The following VWA5B1 variants were observed in gnomAD, a reference collection of about 807,000 sequenced individuals.
VWA5B1 encodes the protein von Willebrand factor A domain-containing protein 5B1.
In VWA5B1, 115 loss-of-function variants were observed where a neutral mutation model predicts 118.2. That is an observed-to-expected ratio of 0.97 (90% CI 0.84 to 1.14). The LOEUF is 1.14. Ranked by LOEUF, VWA5B1 falls within the 50% of genes most tolerant of loss-of-function variation. The pLI is 0.00. For synonymous variants in VWA5B1, 682 were observed against 658.4 expected, an observed-to-expected ratio of 1.04 and a Z score of -0.55; for missense variants, 1,596 against 1,603.8, an observed-to-expected ratio of 1.00 and a Z score of 0.08.
intron 1 of VWA5B1, among the ~76,000 whole-genome samples, chr1:20,299,465 G>A (rs1012752542): frequency 6.6e-6 from 1 of 152,176 alleles, no homozygotes; most frequent in Non-Finnish European, 1.5e-5. Flanking sequence ...GTGCAGTAGT[G>A]CGATCTTAGC....
In VWA5B1 at chr1:20,336,443, C is replaced by A; in HGVS notation, c.1899C>A (p.Ala633=). Residue 633 remains alanine, a synonymous_variant, in exon 13 of 22, where the codon GCC becomes GCA. Coordinates refer to ENST00000289815, the MANE Select transcript of VWA5B1 (RefSeq NM_001039500.3). ...NSGAPFILGQ[A]KNARLASGDS... is the part of the protein sequence containing the mutation. ...GGGCACCCTTCATCCTAGGGCAGGC[C>A]AAAAATGCCCGGCTAGCCAGCGGAG... The A allele has an allele frequency of 6.7e-7, 1 of 1,490,224 alleles. No individual in the cohort carries two copies. The highest frequency in any genetic ancestry group is 1.4e-5 in the South Asian group (1 of 71,820). 92.3% of individuals were successfully genotyped at this position (1,490,224 alleles called of 1,614,324 possible).
intron 15 of VWA5B1, 65 bp from the exon 16 acceptor site, chr1:20,343,014 T>A: frequency 1.4e-6 from 2 of 1,457,096 alleles, no homozygotes; most frequent in Non-Finnish European, 1.8e-6. Context: ...AGGAATGATG[T>A]CCCCTGGGAG....
At chr1:20,316,009 C>T (rs4655193) in intron 4 of VWA5B1, among the ~76,000 whole-genome samples, 8,011 of 152,022 alleles carry the variant, frequency 0.053, 306 homozygotes, top group Admixed American at 0.087. Context: ...TCCTAATACG[C>T]TTATTCCTGC....
At chr1:20,329,082 T>C (rs1457588405) in intron 9 of VWA5B1, among the ~76,000 whole-genome samples, 1 of 152,184 alleles carries the variant, frequency 6.6e-6, no homozygotes, top group Non-Finnish European at 1.5e-5. Flanking sequence ...CACAGATAGA[T>C]TGGGACTTAT....
At chr1:20,329,262 C>CT (rs139538562) in intron 9 of VWA5B1, among the ~76,000 whole-genome samples, 3,569 of 99,598 alleles carry the variant, frequency 0.036, 161 homozygotes, top group African/African-American at 0.12. Context: ...GCCATTACTG[C>CT]TTTTTTTTTT....
chr1:20,343,349 G>T lies in VWA5B1; in HGVS notation c.2582G>T (p.Arg861Leu). ...FHHLAARAII[R>L]DFEQLAEREG... is the part of the protein sequence containing the mutation. ...CACCTGGCGGCCCGCGCCATCATCC[G>T]CGACTTCGAGCAGCTGGCGGAGCGC... Residue 861 changes from arginine (R) to leucine (L), a missense_variant, in exon 16 of 22, where the codon CGC (arginine) becomes CTC (leucine). Physicochemically the swap from Arg to Leu is moderately radical, Grantham distance 102. Coordinates refer to ENST00000289815, the MANE Select transcript of VWA5B1 (RefSeq NM_001039500.3). 1 of 1,540,566 alleles carries T rather than the reference G, an allele frequency of 6.5e-7. No homozygotes were observed.
chr1:20,330,174 C>G lies in VWA5B1; in HGVS notation c.1255-6C>G, dbSNP rs1165474947. On this transcript the variant is annotated splice_region_variant and splice_polypyrimidine_tract_variant and intron_variant, in intron 9 of 21. Coordinates refer to ENST00000289815, the MANE Select transcript of VWA5B1 (RefSeq NM_001039500.3). Reference sequence around the variant, plus strand: ...GTGACACTGGGGACTGTCTGCTTCTCTGCAGGACAGCTTGGCCATGGCTTG... The same window carrying G: ...GTGACACTGGGGACTGTCTGCTTCTGTGCAGGACAGCTTGGCCATGGCTTG... 6.4e-7 allele frequency: 1 copy of G among 1,551,750 alleles called. No homozygotes were observed. Among genetic ancestry groups the G allele is most frequent in the East Asian group, 2.4e-5 (1 of 40,912 alleles).
intron 1 of VWA5B1, among the ~76,000 whole-genome samples, chr1:20,297,996 ATTTTT>A (rs60497976): frequency 6.3e-4 from 80 of 126,670 alleles, no homozygotes; most frequent in Middle Eastern, 5.2e-3. Flanking sequence ...TCGGTGGTGG[ATTTTT>A]TTTTTTTTTT....
At chr1:20,346,506 T>G (rs1050264963) in intron 17 of VWA5B1, among the ~76,000 whole-genome samples, 5 of 152,250 alleles carry the variant, frequency 3.3e-5, no homozygotes, top group African/African-American at 4.8e-5. Flanking sequence ...TGTCTGGTTA[T>G]CTCCTCAGGG....
rs925902633 is a variant in VWA5B1, at chr1:20,330,938, G to A, written c.1527G>A (p.Glu509=). Residue 509 remains glutamate, a synonymous_variant, in exon 11 of 22, where the codon GAG becomes GAA. Coordinates refer to ENST00000289815, the MANE Select transcript of VWA5B1 (RefSeq NM_001039500.3). ...RLVKGLASVS[E]GSAELLMEGE... ...TGAAAGGACTGGCATCTGTGTCCGAGGGCAGTGCTGAGCTCCTGATGGAGG... is the reference window on the plus strand; with the variant it reads ...TGAAAGGACTGGCATCTGTGTCCGAAGGCAGTGCTGAGCTCCTGATGGAGG... 9.7e-6 allele frequency: 15 copies of A among 1,551,562 alleles called. No homozygotes were observed. The highest frequency in any genetic ancestry group is 2.4e-5 in the East Asian group (1 of 40,922).
chr1:20,343,859 T>C, intron 16 of VWA5B1, among the ~76,000 whole-genome samples: 1 of 69,398 alleles, frequency 1.4e-5, no homozygotes, highest in Non-Finnish European at 2.6e-5. Context: ...CCCACTCGCC[T>C]CTCCGGCCTC....
rs2100999637 is a variant in VWA5B1 at position 20,345,346 on chromosome 1, TCCCAAAGATGGGG to T, written c.2627-109_2627-97del. 6 of 1,432,030 alleles carry T rather than the reference TCCCAAAGATGGGG, an allele frequency of 4.2e-6. No individual in the cohort carries two copies. In the South Asian group the frequency reaches 5.3e-5, roughly 13 times the overall value. 88.7% of individuals were successfully genotyped at this position (1,432,030 alleles called of 1,614,324 possible). A position where few individuals can be genotyped will look rare whatever the true frequency, so the allele number is the denominator to read the frequency against. ...CCCTTGATTTTAAAGGCTTCTTTAA[TCCCAAAGATGGGG>T]ACCACTTAGGTAGAGCCCCCTTTTT... On this transcript the variant is annotated intron_variant, in intron 16 of 21. Transcript: ENST00000289815.
rs758304488 is a variant in VWA5B1, at chr1:20,327,891, A to G, written c.1145A>G (p.Asp382Gly). The change falls in exon 9 of 22, where the codon GAT becomes GGT. Residue 382 changes from aspartate (D) to glycine (G), a missense_variant and splice_region_variant. Coordinates refer to ENST00000289815, the MANE Select transcript of VWA5B1 (RefSeq NM_001039500.3). Reference protein sequence around the residue: ...MSGISMHRVKDAMLVALKSLM... With the variant: ...MSGISMHRVKGAMLVALKSLM... ...GAAAACCCCTTTCTCTCCTGCCAGGATGCCATGTTGGTGGCCCTTAAGAGC... is the reference window on the plus strand; with the variant it reads ...GAAAACCCCTTTCTCTCCTGCCAGGGTGCCATGTTGGTGGCCCTTAAGAGC... 2 of 1,551,426 alleles carry G rather than the reference A, an allele frequency of 1.3e-6. No individual in the cohort carries two copies. The highest frequency in any genetic ancestry group is 2.4e-5 in the South Asian group (2 of 84,034).
At chr1:20,324,622 C>G (rs755137442) in intron 8 of VWA5B1, among the ~76,000 whole-genome samples, 2 of 152,146 alleles carry the variant, frequency 1.3e-5, no homozygotes, top group Non-Finnish European at 2.9e-5. Context: ...GGGGCAAGAA[C>G]AGAGTGGGGC....
intron 1 of VWA5B1, among the ~76,000 whole-genome samples, chr1:20,309,717 ATGTT>A (rs1202619049): frequency 1.3e-5 from 2 of 152,060 alleles, no homozygotes; most frequent in Non-Finnish European, 2.9e-5. Flanking sequence ...TGTGTCCAGA[ATGTT>A]TGTTCTGGCC....
Position 20,314,527 on chromosome 1 carries a change from C to G in VWA5B1, c.498C>G (p.Val166=). 2 of 1,551,754 alleles carry G rather than the reference C, an allele frequency of 1.3e-6. No individual in the cohort carries two copies. Among genetic ancestry groups the G allele is most frequent in the Non-Finnish European group, 1.7e-6 (2 of 1,147,010 alleles). The part of the protein sequence containing the change: ...SGAVRVLLPA[V]CAPTVPQFCT... ...CTGTGAGGGTCCTTCTGCCTGCTGT[C>G]TGTGCCCCAACCGTGCCCCAGTTCT... The change falls in exon 4 of 22, where the codon GTC becomes GTG. Residue 166 remains valine (V), a synonymous_variant. Coordinates refer to ENST00000289815, the MANE Select transcript of VWA5B1 (RefSeq NM_001039500.3).
In VWA5B1 at chr1:20,350,074, A is replaced by C; in HGVS notation, c.2879-82A>C. ...CCCCAACCCACCTGCAGACACCGTGAATTAGACCATTGCTCTCCTGAGGGG... is the reference window on the plus strand; with the variant it reads ...CCCCAACCCACCTGCAGACACCGTGCATTAGACCATTGCTCTCCTGAGGGG... On this transcript the variant is annotated intron_variant, in intron 18 of 21. Coordinates refer to ENST00000289815, the MANE Select transcript of VWA5B1 (RefSeq NM_001039500.3). 2.1e-6 allele frequency: 3 copies of C among 1,404,938 alleles called. No homozygotes were observed. The Admixed American group carries it at 5.9e-5, about 28-fold the overall frequency. 87.0% of individuals were successfully genotyped at this position (1,404,938 alleles called of 1,614,324 possible). A position where few individuals can be genotyped will look rare whatever the true frequency, so the allele number is the denominator to read the frequency against.
intron 1 of VWA5B1, among the ~76,000 whole-genome samples, chr1:20,299,851 C>T (rs935085926): frequency 6.6e-6 from 1 of 152,204 alleles, no homozygotes; most frequent in Non-Finnish European, 1.5e-5. Context: ...CTACCCCCGC[C>T]TCCCCACTCC....
chr1:20,336,367 C>T lies in VWA5B1; in HGVS notation c.1823C>T (p.Ser608Phe). ...QESGSSVFYHSQDDGPGLEGG... is the reference protein window; with the variant it reads ...QESGSSVFYHFQDDGPGLEGG... Reference sequence around the variant, plus strand: ...TCTGGCAGCTCTGTCTTCTACCACTCTCAGGATGACGGACCCGGGCTGGAA... The same window carrying T: ...TCTGGCAGCTCTGTCTTCTACCACTTTCAGGATGACGGACCCGGGCTGGAA... Residue 608 changes from serine to phenylalanine, a missense_variant, in exon 13 of 22, where the codon TCT becomes TTT. By Grantham distance (155) the Ser-to-Phe change is radical. Transcript: ENST00000289815. 3 of 1,528,702 alleles carry T rather than the reference C, an allele frequency of 2.0e-6. No homozygotes were observed. The highest frequency in any genetic ancestry group is 2.6e-6 in the Non-Finnish European group (3 of 1,135,420). The allele number at this position is 1,528,702 out of a possible 1,614,324, so 94.7% of individuals were successfully genotyped here.
Sources: allele counts gnomAD v4.1 joint callset (sites outside exome capture counted in the v4.1 genomes callset), GRCh38; gene constraint gnomAD v4.1.1; transcripts MANE v1.5; gene names NCBI Gene and HGNC (gene_info 2026-07-23, HGNC 2026-07-21).